Variants in RBFOX1 observed in about 807,000 individuals in gnomAD.
RBFOX1 encodes the protein RNA binding fox-1 homolog 1, also known as RNA binding protein fox-1 homolog 1.
Under a neutral mutation model 57.7 loss-of-function variants are expected in RBFOX1, and 8 were observed. That is an observed-to-expected ratio of 0.14 (90% CI 0.08 to 0.25). The LOEUF is 0.25. Ranked by LOEUF, RBFOX1 falls within the 10% of genes least tolerant of loss-of-function variation. The pLI is 1.00. For missense variants in RBFOX1, 611 were observed against 548.5 expected (o/e 1.11, Z -1.14); for synonymous variants, 326 against 222.4 (o/e 1.47, Z -4.15).
chr16:6,918,980 T>A (rs953884252), intron 3 of RBFOX1, among the ~76,000 whole-genome samples: 2 of 152,052 alleles, frequency 1.3e-5, no homozygotes, highest in African/African-American at 4.8e-5. Flanking sequence ...CAGCTAATGA[T>A]TTTTGTTTGT....
chr16:7,638,329 G>A (rs1316049696), intron 11 of RBFOX1, among the ~76,000 whole-genome samples: 3 of 152,290 alleles, frequency 2.0e-5, no homozygotes, highest in Non-Finnish European at 4.4e-5. Flanking sequence ...AGGCTTGGGG[G>A]CGTTAAGAAG....
intron 1 of RBFOX1, among the ~76,000 whole-genome samples, chr16:5,368,725 T>G (rs2065787263): frequency 6.6e-6 from 1 of 152,158 alleles, no homozygotes; most frequent in Non-Finnish European, 1.5e-5. Context: ...CTTAGTGACA[T>G]GGTTTCATAG....
intron 3 of RBFOX1, among the ~76,000 whole-genome samples, chr16:5,642,773 CT>C (rs1322489052): frequency 1.3e-5 from 2 of 152,122 alleles, no homozygotes; most frequent in Admixed American, 6.5e-5. Context: ...CTGGTTTCCT[CT>C]GATGGTGTTC....
intron 4 of RBFOX1, among the ~76,000 whole-genome samples, chr16:7,271,044 C>G (rs1205693462): frequency 6.6e-6 from 1 of 152,022 alleles, no homozygotes; most frequent in Non-Finnish European, 1.5e-5. Flanking sequence ...ATTTAAGCCT[C>G]TCTTATTTTG....
chr16:7,395,457 A>G (rs1456858521), intron 4 of RBFOX1, among the ~76,000 whole-genome samples: 1 of 152,248 alleles, frequency 6.6e-6, no homozygotes, highest in African/African-American at 2.4e-5. Context: ...TGGGGAAGCT[A>G]AGATTTTATC....
intron 3 of RBFOX1, among the ~76,000 whole-genome samples, chr16:5,822,377 CTAAA>C (rs2055886985): frequency 6.6e-6 from 1 of 152,072 alleles, no homozygotes; most frequent in South Asian, 2.1e-4. Flanking sequence ...CAAATCTCCA[CTAAA>C]TAACTTACTC....
At chr16:6,674,518 C>T (rs749726888) in intron 3 of RBFOX1, among the ~76,000 whole-genome samples, 4 of 151,998 alleles carry the variant, frequency 2.6e-5, no homozygotes, top group East Asian at 1.9e-4. Context: ...GACGGGGTTT[C>T]GTCATGTTGA....
chr16:6,759,503 GT>G (rs1567136190), intron 3 of RBFOX1, among the ~76,000 whole-genome samples: 1 of 151,160 alleles, frequency 6.6e-6, no homozygotes, highest in Non-Finnish European at 1.5e-5. Context: ...GTGTGTGTGT[GT>G]GTGTGTGTGT....
chr16:5,690,622 G>A (rs959565165), intron 3 of RBFOX1, among the ~76,000 whole-genome samples: 4 of 152,100 alleles, frequency 2.6e-5, no homozygotes, highest in Non-Finnish European at 5.9e-5. Context: ...GCAAGGACTC[G>A]ATTTTACTTC....
chr16:5,675,684 C>A (rs2050146474), intron 3 of RBFOX1, among the ~76,000 whole-genome samples: 1 of 152,152 alleles, frequency 6.6e-6, no homozygotes, highest in African/African-American at 2.4e-5. Context: ...TATGGATTTG[C>A]AAGGCTGTGC....
chr16:6,596,918 C>G (rs1386328400), intron 2 of RBFOX1, among the ~76,000 whole-genome samples: 2 of 152,156 alleles, frequency 1.3e-5, no homozygotes, highest in African/African-American at 4.8e-5. Context: ...CATTCATACA[C>G]ACACACAGCA....
chr16:6,170,264 G>A (rs1346228530), intron 1 of RBFOX1, among the ~76,000 whole-genome samples: 1 of 152,150 alleles, frequency 6.6e-6, no homozygotes, highest in East Asian at 1.9e-4. Context: ...TTTGCCATTT[G>A]CTTGTTTGTT....
chr16:5,888,793 GTCTA>G (rs2057964615), intron 4 of RBFOX1, among the ~76,000 whole-genome samples: 1 of 40,942 alleles, frequency 2.4e-5, no homozygotes, highest in Non-Finnish European at 4.0e-5. Context: ...GCGAAACTCA[GTCTA>G]AAAAAAAAAA....
chr16:5,918,402 G>A (rs551858738), intron 4 of RBFOX1, among the ~76,000 whole-genome samples: 1 of 152,212 alleles, frequency 6.6e-6, no homozygotes, highest in Admixed American at 6.5e-5. Context: ...TTATAGGCGA[G>A]AGCAACCACG....
At chr16:5,709,403 G>A (rs991247811) in intron 3 of RBFOX1, among the ~76,000 whole-genome samples, 3 of 152,148 alleles carry the variant, frequency 2.0e-5, no homozygotes, top group Non-Finnish European at 4.4e-5. Flanking sequence ...ACCTGGCTTA[G>A]ACAACTGGCA....
chr16:7,277,153 GT>G (rs1238824769), intron 4 of RBFOX1, among the ~76,000 whole-genome samples: 1 of 152,136 alleles, frequency 6.6e-6, no homozygotes, highest in Non-Finnish European at 1.5e-5. Context: ...ACATTAAAAA[GT>G]TGGATTTCTT....
intron 2 of RBFOX1, among the ~76,000 whole-genome samples, chr16:5,548,254 G>C (rs933305939): frequency 1.4e-5 from 2 of 146,544 alleles, no homozygotes; most frequent in African/African-American, 5.0e-5. Context: ...GAGGAAGAGT[G>C]GGAAAACTAA....
intron 3 of RBFOX1, among the ~76,000 whole-genome samples, chr16:6,973,874 C>T (rs2086160315): frequency 6.6e-6 from 1 of 152,130 alleles, no homozygotes; most frequent in Admixed American, 6.5e-5. Context: ...GCCTGTCAAG[C>T]TGTCATCAAC....
chr16:6,639,222 C>T (rs2098467484), intron 2 of RBFOX1, among the ~76,000 whole-genome samples: 1 of 152,208 alleles, frequency 6.6e-6, no homozygotes, highest in Admixed American at 6.5e-5. Context: ...TGGCATAAAT[C>T]TTGGACTGCC....
Sources: allele counts gnomAD v4.1 joint callset (sites outside exome capture counted in the v4.1 genomes callset), GRCh38; gene constraint gnomAD v4.1.1; transcripts MANE v1.5; gene names NCBI Gene and HGNC (gene_info 2026-07-23, HGNC 2026-07-21).